Variants in KCNK3 observed in about 807,000 individuals in gnomAD.
KCNK3 encodes potassium two pore domain channel subfamily K member 3.
Under a neutral mutation model 27.3 loss-of-function variants are expected in KCNK3, and 9 were observed. The ratio of observed to expected loss-of-function variants is 0.33; its 90% CI spans 0.20 to 0.57. KCNK3 has a LOEUF of 0.57. Among genes scored for constraint, KCNK3 ranks in the 20% least tolerant of loss-of-function variants. The pLI is 0.87. For missense variants in KCNK3, 391 were observed against 577.7 expected, an observed-to-expected ratio of 0.68 and a Z score of 3.31; for synonymous variants, 278 against 273.8, an observed-to-expected ratio of 1.02 and a Z score of -0.15.
intron 1 of KCNK3, among the ~76,000 whole-genome samples, chr2:26,710,321 C>G (rs1190978469): frequency 6.6e-6 from 1 of 152,202 alleles, no homozygotes. Flanking sequence ...CCAGAGGCAG[C>G]CAGGAGCGAG....
At chr2:26,715,859 A>G (rs1663221975) in intron 1 of KCNK3, among the ~76,000 whole-genome samples, 1 of 152,148 alleles carries the variant, frequency 6.6e-6, no homozygotes. Context: ...CATACACCCA[A>G]ATGCCCAGTG....
chr2:26,725,986 A>G (rs1161038131), intron 1 of KCNK3, among the ~76,000 whole-genome samples: 1 of 152,122 alleles, frequency 6.6e-6, no homozygotes, highest in Admixed American at 6.5e-5. Context: ...CATTACACAC[A>G]TGATCTTACT....
In KCNK3 at chr2:26,721,356, C is replaced by T. The variant is rs973702929; in HGVS notation, c.284-6311C>T. Among the ~76,000 whole-genome samples the T allele has an allele frequency of 6.6e-6, 1 of 152,086 alleles. No individual in the cohort carries two copies. The highest frequency in any genetic ancestry group is 6.5e-5 in the Admixed American group (1 of 15,280). On this transcript the variant is annotated intron_variant, in intron 1 of 1. Coordinates refer to ENST00000302909, the MANE Select transcript of KCNK3 (RefSeq NM_002246.3). The surrounding 1 kb of genome is among the most constrained non-coding windows in gnomAD (Gnocchi z 4.3). ...GCATCTCACAGGAGGAGGGAGAGCA[C>T]CTGCGCCCTCCTCCCGTCTCCACCA...
intron 1 of KCNK3, among the ~76,000 whole-genome samples, chr2:26,712,242 G>A (rs910344764): frequency 1.3e-5 from 2 of 152,178 alleles, no homozygotes; most frequent in African/African-American, 2.4e-5. Flanking sequence ...CCCTGTCTCC[G>A]TGTAAAGGGC....
intron 1 of KCNK3, among the ~76,000 whole-genome samples, chr2:26,720,752 A>G (rs1284134372): frequency 6.6e-6 from 1 of 152,066 alleles, no homozygotes; most frequent in Non-Finnish European, 1.5e-5. Flanking sequence ...AGATGGGACA[A>G]TGGGAAGAGA....
Position 26,693,184 on chromosome 2 carries a change from G to T in KCNK3, c.283+26G>T. 9.3e-7 allele frequency: 1 copy of T among 1,074,800 alleles called. No individual in the cohort carries two copies. Among genetic ancestry groups the T allele is most frequent in the South Asian group, 1.4e-5 (1 of 71,472 alleles). 66.6% of individuals were successfully genotyped at this position (1,074,800 alleles called of 1,614,324 possible). On this transcript the variant is annotated intron_variant, in intron 1 of 1. Coordinates refer to ENST00000302909, the MANE Select transcript of KCNK3 (RefSeq NM_002246.3). The surrounding 1 kb of genome is among the most constrained non-coding windows in gnomAD (Gnocchi z 5.5). ...GTAACGGCTCGCCGGGCGGGGGGCGGGAACCCAGGGCTGGGCGCGGGGCTC... is the reference window on the plus strand; with the variant it reads ...GTAACGGCTCGCCGGGCGGGGGGCGTGAACCCAGGGCTGGGCGCGGGGCTC...
At chr2:26,727,565 C>A in intron 1 of KCNK3, 102 bp from the exon 2 acceptor site, 1 of 1,473,580 alleles carries the variant, frequency 6.8e-7, no homozygotes, top group South Asian at 1.4e-5. Context: ...CCCAGACCCA[C>A]AAGGTGGGGG....
chr2:26,722,496 G>A (rs576684244), intron 1 of KCNK3, among the ~76,000 whole-genome samples: 14 of 152,274 alleles, frequency 9.2e-5, no homozygotes, highest in Admixed American at 6.5e-4. Flanking sequence ...TTTTACAGAC[G>A]AGAAAACTGA....
rs1663561836 is a variant in KCNK3 at position 26,732,671 on chromosome 2, C to A, written c.*4103C>A. The stretch of plus-strand genomic sequence containing the variant: ...GCCATTGACTCACCCACTCCTAAGG[C>A]CACCACATCAAAATCTGAGGCTTAC... On this transcript the variant is annotated 3_prime_UTR_variant, in exon 2 of 2. Transcript: ENST00000302909. The A allele has an allele frequency of 6.6e-6, 1 of 152,298 alleles. No homozygotes were observed. The highest frequency in any genetic ancestry group is 2.1e-4 in the South Asian group (1 of 4,836). The allele number at this position is 152,298 out of a possible 1,614,324, so 9.4% of individuals were successfully genotyped here. A position where few individuals can be genotyped will look rare whatever the true frequency, so the allele number is the denominator to read the frequency against.
chr2:26,704,807 C>G (rs938597786), intron 1 of KCNK3, among the ~76,000 whole-genome samples: 19 of 152,250 alleles, frequency 1.2e-4, no homozygotes, highest in Admixed American at 1.1e-3. Flanking sequence ...ACAGATCTTA[C>G]CCCCAACATG....
intron 1 of KCNK3, among the ~76,000 whole-genome samples, chr2:26,727,296 T>C (rs1034621650): frequency 7.2e-5 from 11 of 152,128 alleles, no homozygotes; most frequent in Admixed American, 3.3e-4. Flanking sequence ...CCTCACACTC[T>C]CCCTGTGCCT....
In KCNK3 at chr2:26,732,974, A is replaced by ACC. The variant is rs1663567977; in HGVS notation, c.*4406_*4407insCC. 1 of 152,178 alleles carries ACC rather than the reference A, an allele frequency of 6.6e-6. No individual in the cohort carries two copies. Among genetic ancestry groups the ACC allele is most frequent in the African/African-American group, 2.4e-5 (1 of 41,424 alleles). The allele number at this position is 152,178 out of a possible 1,614,324, so 9.4% of individuals were successfully genotyped here. A position where few individuals can be genotyped will look rare whatever the true frequency, so the allele number is the denominator to read the frequency against. On this transcript the variant is annotated 3_prime_UTR_variant, in exon 2 of 2. Transcript: ENST00000302909. ...GTGACAGCTGGGCAGAGCAGTGGTGAACTGCACCCATGTCCCTGCTCACAT... is the reference window on the plus strand; with the variant it reads ...GTGACAGCTGGGCAGAGCAGTGGTGACCACTGCACCCATGTCCCTGCTCACAT...
chr2:26,728,243 C>T lies in KCNK3; in HGVS notation c.860C>T (p.Ser287Phe), dbSNP rs769847307. The change falls in exon 2 of 2, where the codon TCC (serine) becomes TTC (phenylalanine). Residue 287 changes from serine to phenylalanine, a missense_variant. By Grantham distance (155) the Ser-to-Phe change is radical (BLOSUM62 -2). Coordinates refer to ENST00000302909, the MANE Select transcript of KCNK3 (RefSeq NM_002246.3). The stretch of plus-strand genomic sequence containing the variant: ...GCGCACACTACGGACACCGCCTCAT[C>T]CACGGCGGCAGCGGGCGGCGGCGGC... ...GSAHTTDTAS[S>F]TAAAGGGGFR... 6.3e-7 allele frequency: 1 copy of T among 1,577,362 alleles called. No individual in the cohort carries two copies. The highest frequency in any genetic ancestry group is 1.1e-5 in the South Asian group (1 of 87,300).
intron 1 of KCNK3, among the ~76,000 whole-genome samples, chr2:26,698,230 G>T (rs1670259385): frequency 6.6e-6 from 1 of 152,074 alleles, no homozygotes; most frequent in Non-Finnish European, 1.5e-5. Context: ...GAAAGTCCCG[G>T]CACCCACCTC....
intron 1 of KCNK3, among the ~76,000 whole-genome samples, chr2:26,711,490 C>T (rs937997145): frequency 1.2e-4 from 19 of 152,136 alleles, no homozygotes; most frequent in Admixed American, 9.8e-4. Flanking sequence ...CTGCCCTCCA[C>T]GTTTTCTGTT....
intron 1 of KCNK3, among the ~76,000 whole-genome samples, chr2:26,694,917 C>T (rs1670216393): frequency 6.6e-6 from 1 of 152,172 alleles, no homozygotes. Flanking sequence ...TCCCAACTGA[C>T]CTCCCTGCCT....
chr2:26,725,742 G>A (rs545291079), intron 1 of KCNK3, among the ~76,000 whole-genome samples: 1 of 152,260 alleles, frequency 6.6e-6, no homozygotes, highest in South Asian at 2.1e-4. Context: ...CGCTGTGGAG[G>A]GGGTCAGGGG....
intron 1 of KCNK3, among the ~76,000 whole-genome samples, chr2:26,707,052 G>C (rs1384971252): frequency 6.6e-6 from 1 of 152,140 alleles, no homozygotes; most frequent in South Asian, 2.1e-4. Flanking sequence ...ACCCCATGCT[G>C]TCCGAGCCCT....
chr2:26,725,596 G>T (rs894003868), intron 1 of KCNK3, among the ~76,000 whole-genome samples: 5 of 152,176 alleles, frequency 3.3e-5, no homozygotes, highest in Non-Finnish European at 5.9e-5. Context: ...GAGGTGAGTT[G>T]TGGTCTGGCT....
Sources: gnomAD v4.1 joint callset for allele counts (sites outside exome capture counted in the v4.1 genomes callset) on GRCh38, gnomAD v4.1.1 for gene constraint, Gnocchi (gnomAD v3.1) non-coding constraint, MANE v1.5 for transcripts, NCBI Gene and HGNC (gene_info 2026-07-23, HGNC 2026-07-21) for gene names.